GDPD5: variants seen among roughly 807,000 people sequenced by gnomAD.
The protein encoded by GDPD5 is glycerophosphodiester phosphodiesterase 2.
GDPD5 carries 48 observed loss-of-function variants against 75.1 expected under a neutral mutation model. That is an observed-to-expected ratio of 0.64 (90% CI 0.51 to 0.81). The LOEUF (loss-of-function observed/expected upper bound fraction) is 0.81. Ranked by LOEUF, GDPD5 falls within the 40% of genes least tolerant of loss-of-function variation. The probability of loss-of-function intolerance (pLI) is 0.00; values close to 1 mark genes in which losing one functional copy is unlikely to be tolerated. For missense variants in GDPD5, 706 were observed against 822.6 expected (o/e 0.86, Z 1.73); for synonymous variants, 336 against 339.0 (o/e 0.99, Z 0.10).
At chr11:75,524,953 C>T (rs1941610393) in intron 1 of GDPD5, among the ~76,000 whole-genome samples, 1 of 152,258 alleles carries the variant, frequency 6.6e-6, no homozygotes, top group African/African-American at 2.4e-5. Flanking sequence ...TCTCCATCTG[C>T]AAGCGCCGAT....
intron 2 of GDPD5, among the ~76,000 whole-genome samples, chr11:75,480,607 C>T (rs556384815): frequency 6.6e-6 from 1 of 152,102 alleles, no homozygotes; most frequent in South Asian, 2.1e-4. Context: ...CATCATCATC[C>T]CCATTTTATA....
chr11:75,442,585 G>A lies in GDPD5; in HGVS notation c.949-4C>T. The A allele has an allele frequency of 1.2e-6, 2 of 1,613,790 alleles. No individual in the cohort carries two copies. Among genetic ancestry groups the A allele is most frequent in the Non-Finnish European group, 1.7e-6 (2 of 1,179,834 alleles). On this transcript the variant is annotated splice_polypyrimidine_tract_variant and splice_region_variant and intron_variant, in intron 11 of 16. Coordinates refer to ENST00000336898, the MANE Select transcript of GDPD5 (RefSeq NM_030792.8). The stretch of plus-strand genomic sequence containing the variant: ...TGGCTGTCCAGAAGGGGTCAGTCTG[G>A]CAGGGACAGGGACACACACATGGCT...
rs1211385954 is a variant in GDPD5, at chr11:75,490,274, G to A, written c.-98C>T. ...ACCGGTGGCTGTGAGCTGGGCTCCTGGAGGTGTCTTGTCCACAGAGGCAGT... is the reference window on the plus strand; with the variant it reads ...ACCGGTGGCTGTGAGCTGGGCTCCTAGAGGTGTCTTGTCCACAGAGGCAGT... On this transcript the variant is annotated 5_prime_UTR_variant, in exon 2 of 17. Coordinates refer to ENST00000336898, the MANE Select transcript of GDPD5 (RefSeq NM_030792.8). 2 of 152,262 alleles carry A rather than the reference G, an allele frequency of 1.3e-5. No individual in the cohort carries two copies. Among genetic ancestry groups the A allele is most frequent in the Non-Finnish European group, 2.9e-5 (2 of 68,104 alleles). The allele number at this position is 152,262 out of a possible 1,614,324, so 9.4% of individuals were successfully genotyped here.
At chr11:75,518,069 TCTCAGAG>T (rs1565226207) in intron 1 of GDPD5, among the ~76,000 whole-genome samples, 1 of 152,198 alleles carries the variant, frequency 6.6e-6, no homozygotes, top group Non-Finnish European at 1.5e-5. Flanking sequence ...CCAGCGCCAG[TCTCAGAG>T]ACCTGGCCTC....
At chr11:75,464,603 G>A (rs1002979987) in intron 3 of GDPD5, among the ~76,000 whole-genome samples, 1 of 152,288 alleles carries the variant, frequency 6.6e-6, no homozygotes. Context: ...TGCAGAGCCC[G>A]ACTGCCTTGC....
intron 15 of GDPD5, chr11:75,438,173 T>C (rs909838247): frequency 2.6e-5 from 4 of 152,298 alleles, no homozygotes; most frequent in Non-Finnish European, 4.4e-5. Flanking sequence ...CTATGAATCA[T>C]TGAGGGCAGT....
intron 1 of GDPD5, among the ~76,000 whole-genome samples, chr11:75,504,549 G>A (rs1224214605): frequency 1.3e-5 from 2 of 152,206 alleles, no homozygotes; most frequent in Non-Finnish European, 2.9e-5. Context: ...AGGACACTAT[G>A]CTAAGTGAAA....
chr11:75,511,927 C>T (rs1023958040), intron 1 of GDPD5, among the ~76,000 whole-genome samples: 5 of 152,192 alleles, frequency 3.3e-5, no homozygotes, highest in South Asian at 2.1e-4. Context: ...GGGGATAATG[C>T]TATTCTCAGG....
chr11:75,458,619 C>T (rs1054515677), intron 4 of GDPD5, among the ~76,000 whole-genome samples: 5 of 151,824 alleles, frequency 3.3e-5, no homozygotes, highest in Non-Finnish European at 5.9e-5. Flanking sequence ...TTGCAATGAG[C>T]AGAGATCGCA....
At chr11:75,454,689 G>A (rs1949246482) in intron 6 of GDPD5, among the ~76,000 whole-genome samples, 1 of 152,228 alleles carries the variant, frequency 6.6e-6, no homozygotes, top group African/African-American at 2.4e-5. Context: ...TTAAGGTGCG[G>A]AACAGAGGGT....
At chr11:75,454,902 G>C (rs972221355) in intron 6 of GDPD5, among the ~76,000 whole-genome samples, 3 of 152,196 alleles carry the variant, frequency 2.0e-5, no homozygotes, top group African/African-American at 7.2e-5. Context: ...AGAGTCCTTA[G>C]AATTTTAGAA....
At chr11:75,505,721 T>C (rs1331310279) in intron 1 of GDPD5, among the ~76,000 whole-genome samples, 3 of 152,096 alleles carry the variant, frequency 2.0e-5, no homozygotes, top group Non-Finnish European at 2.9e-5. Flanking sequence ...GAGACCCAAG[T>C]GGATTTGGTT....
At chr11:75,443,693 G>C (rs933837250) in intron 10 of GDPD5, among the ~76,000 whole-genome samples, 4 of 152,208 alleles carry the variant, frequency 2.6e-5, no homozygotes, top group Non-Finnish European at 5.9e-5. Context: ...GTGATGCTAT[G>C]ATGAGAACAG....
chr11:75,439,959 G>C lies in GDPD5; in HGVS notation c.1476C>G (p.Pro492=), dbSNP rs376507029. The change falls in exon 15 of 17, where the codon CCC becomes CCG. Residue 492 remains proline, a splice_region_variant and synonymous_variant. Coordinates refer to ENST00000336898, the MANE Select transcript of GDPD5 (RefSeq NM_030792.8). ...CCCACATGAGACAGTACTCGTCCGG[G>C]GGCTGTGGACAGACGGCCCGAGGCC... ...SQVPSPLWIM[P]PDEYCLMWVT... 3.1e-6 allele frequency: 5 copies of C among 1,612,982 alleles called. No homozygotes were observed. Among genetic ancestry groups the C allele is most frequent in the South Asian group, 2.2e-5 (2 of 91,000 alleles).
At chr11:75,517,701 G>C (rs1475113199) in intron 1 of GDPD5, among the ~76,000 whole-genome samples, 1 of 152,002 alleles carries the variant, frequency 6.6e-6, no homozygotes, top group Non-Finnish European at 1.5e-5. Flanking sequence ...TAATTTTAGT[G>C]AACTGGCTCA....
At chr11:75,491,539 C>A (rs144411672) in intron 1 of GDPD5, among the ~76,000 whole-genome samples, 165 of 152,306 alleles carry the variant, frequency 1.1e-3, no homozygotes, top group African/African-American at 3.8e-3. Context: ...GATAAGCTCC[C>A]AGGTGATGCT....
At chr11:75,444,938 T>G (rs917946096) in intron 9 of GDPD5, among the ~76,000 whole-genome samples, 10 of 152,034 alleles carry the variant, frequency 6.6e-5, no homozygotes, top group Non-Finnish European at 1.5e-4. Context: ...TACCAAGGGT[T>G]ATACCCTGAG....
rs201429141 is a variant in GDPD5 at position 75,436,975 on chromosome 11, G to A, written c.1630C>T (p.Arg544Trp). The change falls in exon 16 of 17, where the codon CGG becomes TGG. Residue 544 changes from arginine to tryptophan, a missense_variant. By Grantham distance (101) the Arg-to-Trp change is moderately radical (BLOSUM62 -3). Coordinates refer to ENST00000336898, the MANE Select transcript of GDPD5 (RefSeq NM_030792.8). ...TTCTCCTTCATGATGCTGACGTCCC[G>A]GCTGGTCCGGCGCACCGCAGCACTC... is the stretch of plus-strand genomic sequence containing the variant. ...MLSAAVRRTSRDVSIMKEKLI... is the reference protein window; with the variant it reads ...MLSAAVRRTSWDVSIMKEKLI... The A allele has an allele frequency of 3.2e-5, 51 of 1,613,404 alleles. No homozygotes were observed. In the Middle Eastern group the frequency reaches 4.9e-4, roughly 16 times the overall value.
At chr11:75,440,709 C>A (rs1160805098) in intron 14 of GDPD5, among the ~76,000 whole-genome samples, 1 of 152,090 alleles carries the variant, frequency 6.6e-6, no homozygotes, top group Non-Finnish European at 1.5e-5. Context: ...GCGTGTGCCA[C>A]CTTGGCCAGC....
Sources: allele counts gnomAD v4.1 joint callset (sites outside exome capture counted in the v4.1 genomes callset), GRCh38; gene constraint gnomAD v4.1.1; transcripts MANE v1.5; gene names NCBI Gene and HGNC (gene_info 2026-07-23, HGNC 2026-07-21).